SLC35F1: variants seen among roughly 807,000 people sequenced by gnomAD.
SLC35F1 encodes the protein chromosome 6 open reading frame 169.
In SLC35F1, 14 loss-of-function variants were observed where a neutral mutation model predicts 48.7. The ratio of observed to expected loss-of-function variants is 0.29; its 90% CI spans 0.19 to 0.45. SLC35F1 has a LOEUF of 0.45. SLC35F1 is among the 20% of genes least tolerant of loss of function. The pLI is 1.00. For synonymous variants in SLC35F1, 190 were observed against 202.2 expected, an observed-to-expected ratio of 0.94 and a Z score of 0.51; for missense variants, 404 against 500.0, an observed-to-expected ratio of 0.81 and a Z score of 1.83.
intron 1 of SLC35F1, among the ~76,000 whole-genome samples, chr6:118,110,386 T>G (rs2114381276): frequency 6.6e-6 from 1 of 152,138 alleles, no homozygotes; most frequent in East Asian, 1.9e-4. Context: ...AATTGACAAA[T>G]TGCTGGAAGC....
chr6:118,124,703 T>C (rs1773599079), intron 1 of SLC35F1, among the ~76,000 whole-genome samples: 1 of 152,140 alleles, frequency 6.6e-6, no homozygotes, highest in African/African-American at 2.4e-5. Flanking sequence ...CAAATCCTGA[T>C]TTACAAACAT....
intron 1 of SLC35F1, among the ~76,000 whole-genome samples, chr6:117,913,915 G>A (rs1377713664): frequency 6.6e-6 from 1 of 152,006 alleles, no homozygotes; most frequent in Non-Finnish European, 1.5e-5. Flanking sequence ...TCTGGGCGTG[G>A]TGGTATGCGC....
At chr6:118,153,460 G>C (rs1004320474) in intron 1 of SLC35F1, among the ~76,000 whole-genome samples, 2 of 152,098 alleles carry the variant, frequency 1.3e-5, no homozygotes, top group African/African-American at 4.8e-5. Context: ...AACTTTCAAT[G>C]AAAGAAATAC....
rs143518455 is a variant in SLC35F1, at chr6:117,917,885, C to T, written c.173+9986C>T. On this transcript the variant is annotated intron_variant, in intron 1 of 7. Coordinates refer to ENST00000360388, the MANE Select transcript of SLC35F1 (RefSeq NM_001029858.4). ...TTTGGGGGGCACACTAACCCTCAAACACAGAAGGACTCAGCAAAGGAACTG... is the reference window on the plus strand; with the variant it reads ...TTTGGGGGGCACACTAACCCTCAAATACAGAAGGACTCAGCAAAGGAACTG... 2.6e-4 allele frequency among the ~76,000 whole-genome samples: 38 copies of T among 143,686 alleles called. No individual in the cohort carries two copies. In the East Asian group the frequency reaches 7.4e-3, roughly 28 times the overall value. 94.3% of individuals were successfully genotyped at this position (143,686 alleles called of 152,430 possible).
At chr6:118,005,969 T>C (rs1467696478) in intron 1 of SLC35F1, among the ~76,000 whole-genome samples, 1 of 152,206 alleles carries the variant, frequency 6.6e-6, no homozygotes, top group Non-Finnish European at 1.5e-5. Context: ...TTGTTAATTA[T>C]ATAAGTTTAT....
chr6:118,155,511 G>A (rs1364853880), intron 2 of SLC35F1, among the ~76,000 whole-genome samples: 1 of 152,174 alleles, frequency 6.6e-6, no homozygotes, highest in African/African-American at 2.4e-5. Context: ...TGTCTGCCAT[G>A]TGAGGATGCC....
intron 1 of SLC35F1, among the ~76,000 whole-genome samples, chr6:117,999,775 C>T (rs1409576183): frequency 1.5e-4 from 23 of 151,458 alleles, no homozygotes; most frequent in African/African-American, 4.4e-4. Flanking sequence ...ATATCACCAC[C>T]GATCCCACAG....
chr6:117,932,134 C>T (rs1776109249), intron 1 of SLC35F1, among the ~76,000 whole-genome samples: 2 of 152,142 alleles, frequency 1.3e-5, no homozygotes, highest in Non-Finnish European at 2.9e-5. Flanking sequence ...TGCCCTCCCA[C>T]TGTGTGAGGA....
At chr6:117,909,866 AACTTAT>A (rs559408071) in intron 1 of SLC35F1, among the ~76,000 whole-genome samples, 79 of 152,230 alleles carry the variant, frequency 5.2e-4, no homozygotes, top group Admixed American at 9.8e-4. Context: ...ATAGAGGAGG[AACTTAT>A]ACTTATGTTG....
intron 1 of SLC35F1, among the ~76,000 whole-genome samples, chr6:118,043,689 CCTCACA>C (rs71803992): frequency 0.29 from 44,147 of 151,674 alleles, 7,068 homozygotes; most frequent in East Asian, 0.47. Context: ...AGACATACGC[CCTCACA>C]CTCAATCCTC....
At chr6:118,086,773 TTGTC>T (rs1202493906) in intron 1 of SLC35F1, among the ~76,000 whole-genome samples, 1 of 152,190 alleles carries the variant, frequency 6.6e-6, no homozygotes, top group Non-Finnish European at 1.5e-5. Context: ...TTTTCCTTCA[TTGTC>T]TGTCCTTCTC....
Position 118,093,472 on chromosome 6 carries a change from G to C in SLC35F1, c.174-60973G>C, listed in dbSNP as rs1192502851. ...ACCTATGGGAGATAATTGAATCATGGGGGCAGGTTATTCCCATGCTTTTCT... is the reference window on the plus strand; with the variant it reads ...ACCTATGGGAGATAATTGAATCATGCGGGCAGGTTATTCCCATGCTTTTCT... On this transcript the variant is annotated intron_variant, in intron 1 of 7. Coordinates refer to ENST00000360388, the MANE Select transcript of SLC35F1 (RefSeq NM_001029858.4). Among the ~76,000 whole-genome samples the C allele has an allele frequency of 2.6e-5, 4 of 152,238 alleles. No individual in the cohort carries two copies. The East Asian group carries it at 7.7e-4, about 29-fold the overall frequency.
At chr6:118,093,905 A>C (rs1197790766) in intron 1 of SLC35F1, among the ~76,000 whole-genome samples, 1 of 152,192 alleles carries the variant, frequency 6.6e-6, no homozygotes, top group African/African-American at 2.4e-5. Flanking sequence ...AAGAGGACTG[A>C]TAATTGGCCA....
rs562891828 is a variant in SLC35F1 at position 118,179,672 on chromosome 6, G to A, written c.349+25052G>A. ...TTCAATTTTTTTGTTTATATGTTGG[G>A]AGAAACTCTTCCCAGTACAGTACTC... On this transcript the variant is annotated intron_variant, in intron 2 of 7. Transcript: ENST00000360388. Among the ~76,000 whole-genome samples the A allele has an allele frequency of 7.2e-5, 11 of 152,164 alleles. No individual in the cohort carries two copies. In the East Asian group the frequency reaches 1.9e-3, roughly 27 times the overall value.
intron 1 of SLC35F1, among the ~76,000 whole-genome samples, chr6:117,965,307 A>G (rs1315258832): frequency 3.3e-5 from 5 of 152,220 alleles, no homozygotes; most frequent in African/African-American, 4.8e-5. Context: ...AGGAAAGGAC[A>G]TGCAAGTCAT....
chr6:117,961,872 A>G (rs191968713), intron 1 of SLC35F1, among the ~76,000 whole-genome samples: 1 of 152,326 alleles, frequency 6.6e-6, no homozygotes, highest in East Asian at 1.9e-4. Context: ...AGCTTGTGAT[A>G]CCTAGTCTTA....
At chr6:118,101,674 C>T (rs943337650) in intron 1 of SLC35F1, among the ~76,000 whole-genome samples, 1 of 152,078 alleles carries the variant, frequency 6.6e-6, no homozygotes, top group African/African-American at 2.4e-5. Context: ...GCCATTAATG[C>T]TTGTCTTTCC....
In SLC35F1 at chr6:118,209,211, C is replaced by G. The variant is rs370007585; in HGVS notation, c.350-26298C>G. On this transcript the variant is annotated intron_variant, in intron 2 of 7. Coordinates refer to ENST00000360388, the MANE Select transcript of SLC35F1 (RefSeq NM_001029858.4). The stretch of plus-strand genomic sequence containing the variant: ...AAACCTAAGCCTAAAAACAGTTTTC[C>G]CTGAGTCTTTGGGTCTTCATTTCTG... 5.1e-4 allele frequency among the ~76,000 whole-genome samples: 78 copies of G among 152,302 alleles called. No homozygotes were observed. In the South Asian group the frequency reaches 0.015, roughly 29 times the overall value.
chr6:118,310,212 A>G (rs112578695), intron 7 of SLC35F1, among the ~76,000 whole-genome samples: 2 of 152,308 alleles, frequency 1.3e-5, no homozygotes, highest in African/African-American at 2.4e-5. Context: ...CTGCTCTCCA[A>G]TGGAGACAGC....
Sources: allele counts gnomAD v4.1 joint callset (sites outside exome capture counted in the v4.1 genomes callset), GRCh38; gene constraint gnomAD v4.1.1; transcripts MANE v1.5; gene names NCBI Gene and HGNC (gene_info 2026-07-23, HGNC 2026-07-21).